The following CYP2C18 variants were observed in gnomAD, a reference collection of about 807,000 sequenced individuals.
CYP2C18 encodes cytochrome P450 2C18.
CYP2C18 carries 38 observed loss-of-function variants against 41.3 expected under a neutral mutation model. That is an observed-to-expected ratio of 0.92 (90% CI 0.71 to 1.21). The LOEUF is 1.21. Ranked by LOEUF, CYP2C18 falls within the 50% of genes most tolerant of loss-of-function variation. The pLI, the probability that CYP2C18 is intolerant of heterozygous loss-of-function variation, is 0.00. For synonymous variants in CYP2C18, 236 were observed against 210.0 expected (o/e 1.12, Z -1.07); for missense variants, 635 against 591.4 (o/e 1.07, Z -0.77).
intron 5 of CYP2C18, among the ~76,000 whole-genome samples, chr10:94,717,037 G>C (rs748702374): frequency 3.3e-5 from 5 of 152,084 alleles, no homozygotes; most frequent in Non-Finnish European, 4.4e-5. Context: ...TTGCTTGGTA[G>C]ATCTTCCTCC....
chr10:94,726,526 T>A (rs946980895), intron 7 of CYP2C18, among the ~76,000 whole-genome samples: 2 of 152,182 alleles, frequency 1.3e-5, no homozygotes, highest in African/African-American at 4.8e-5. Context: ...GAAGTCATCA[T>A]TTTTTATGGT....
At chr10:94,688,556 C>T (rs755949683) in intron 3 of CYP2C18, among the ~76,000 whole-genome samples, 2 of 152,122 alleles carry the variant, frequency 1.3e-5, no homozygotes, top group African/African-American at 2.4e-5. Context: ...CTGGAAACCT[C>T]CTAGGGGCAG....
At chr10:94,701,598 C>T (rs1020136207) in intron 4 of CYP2C18, among the ~76,000 whole-genome samples, 3 of 152,088 alleles carry the variant, frequency 2.0e-5, no homozygotes, top group Non-Finnish European at 2.9e-5. Context: ...TGCACATGTA[C>T]CCTAAAACTT....
At chr10:94,733,187 C>T in intron 7 of CYP2C18, 110 bp from the exon 8 acceptor site, 1 of 1,086,010 alleles carries the variant, frequency 9.2e-7, no homozygotes, top group Non-Finnish European at 1.3e-6. Flanking sequence ...CTTCTTTGGA[C>T]CTCAATTTTC....
At chr10:94,685,806 T>C (rs184730680) in intron 1 of CYP2C18, among the ~76,000 whole-genome samples, 2 of 152,338 alleles carry the variant, frequency 1.3e-5, no homozygotes, top group East Asian at 3.9e-4. Flanking sequence ...CTTTGTAACA[T>C]ATTTTGCAGT....
At chr10:94,719,656 C>A (rs1461607546) in intron 5 of CYP2C18, among the ~76,000 whole-genome samples, 1 of 150,474 alleles carries the variant, frequency 6.6e-6, no homozygotes, top group Non-Finnish European at 1.5e-5. Flanking sequence ...CTCACTGCAA[C>A]CTCCGTCTCC....
At chr10:94,723,290 A>G (rs1847677523) in intron 6 of CYP2C18, among the ~76,000 whole-genome samples, 1 of 152,260 alleles carries the variant, frequency 6.6e-6, no homozygotes, top group South Asian at 2.1e-4. Flanking sequence ...CTCATGTAGG[A>G]GGATGGAAGT....
chr10:94,693,008 T>A (rs2134178589), intron 3 of CYP2C18, among the ~76,000 whole-genome samples: 1 of 150,486 alleles, frequency 6.6e-6, no homozygotes, highest in East Asian at 2.0e-4. Flanking sequence ...CACCAGGGCC[T>A]GTTGTGGGGT....
At chr10:94,690,076 C>T (rs959245061) in intron 3 of CYP2C18, among the ~76,000 whole-genome samples, 3 of 151,998 alleles carry the variant, frequency 2.0e-5, no homozygotes, top group African/African-American at 7.3e-5. Flanking sequence ...TGTGGAGTGC[C>T]CCTCCTTTAG....
intron 5 of CYP2C18, among the ~76,000 whole-genome samples, chr10:94,710,304 AGT>A (rs1388063660): frequency 2.6e-5 from 4 of 152,178 alleles, no homozygotes; most frequent in Non-Finnish European, 5.9e-5. Flanking sequence ...GAAATTGGAA[AGT>A]GTCAGTTCTC....
intron 2 of CYP2C18, 89 bp from the exon 3 acceptor site, chr10:94,688,036 A>C: frequency 6.3e-7 from 1 of 1,598,486 alleles, no homozygotes; most frequent in Non-Finnish European, 8.6e-7. Flanking sequence ...CCTGGGACAG[A>C]ACTTGACCTG....
chr10:94,695,349 G>A (rs1437393863), intron 4 of CYP2C18, among the ~76,000 whole-genome samples: 1 of 151,982 alleles, frequency 6.6e-6, no homozygotes, highest in Non-Finnish European at 1.5e-5. Flanking sequence ...GTGCCCATGT[G>A]TTCTCATTGT....
At position 94,724,419 on chromosome 10, in the gene CYP2C18, G is replaced by A. The variant is rs1359206526; in HGVS notation, c.1035G>A (p.Met345Ile). ...CCTGTATGCAGGACAGGAGTCACATGCCCTACACAGATGCTGTGGTGCACG... is the reference window on the plus strand; with the variant it reads ...CCTGTATGCAGGACAGGAGTCACATACCCTACACAGATGCTGTGGTGCACG... ...RSPCMQDRSH[M>I]PYTDAVVHEI... The change falls in exon 7 of 9, where the codon ATG becomes ATA. Residue 345 changes from methionine to isoleucine, a missense_variant. Transcript: ENST00000285979. The A allele has an allele frequency of 6.2e-7, 1 of 1,613,576 alleles. No individual in the cohort carries two copies. Among genetic ancestry groups the A allele is most frequent in the Non-Finnish European group, 8.5e-7 (1 of 1,179,712 alleles).
rs1436750767 is a variant in CYP2C18 at position 94,720,504 on chromosome 10, C to A, written c.928C>A (p.Leu310Ile). The change falls in exon 6 of 9, where the codon CTC becomes ATC. Residue 310 changes from leucine (L) to isoleucine (I), a missense_variant. By Grantham distance (5) the Leu-to-Ile change is conservative (BLOSUM62 2). Transcript: ENST00000285979. ...ETTSTTLRYG[L>I]LLLLKYPEVT... ...AACGAGCACCACTCTGAGATATGGACTCCTGCTCCTGCTGAAGTACCCAGA... is the reference window on the plus strand; with the variant it reads ...AACGAGCACCACTCTGAGATATGGAATCCTGCTCCTGCTGAAGTACCCAGA... 1 of 1,613,324 alleles carries A rather than the reference C, an allele frequency of 6.2e-7. No individual in the cohort carries two copies. The highest frequency in any genetic ancestry group is 8.5e-7 in the Non-Finnish European group (1 of 1,179,530).
chr10:94,687,661 C>G, intron 1 of CYP2C18, 109 bp from the exon 2 acceptor site: 1 of 1,003,202 alleles, frequency 1.0e-6, no homozygotes, highest in Non-Finnish European at 1.5e-6. Flanking sequence ...CTGTATTTGA[C>G]AGAATAATCA....
intron 4 of CYP2C18, among the ~76,000 whole-genome samples, chr10:94,697,786 A>G (rs1847148977): frequency 6.6e-6 from 1 of 152,226 alleles, no homozygotes; most frequent in African/African-American, 2.4e-5. Context: ...ATGGAGGAAG[A>G]TCTACCAAGC....
chr10:94,691,628 C>G (rs1847001341), intron 3 of CYP2C18, among the ~76,000 whole-genome samples: 1 of 152,150 alleles, frequency 6.6e-6, no homozygotes, highest in Admixed American at 6.6e-5. Context: ...AATGTCATCC[C>G]CATCAAGCTA....
intron 4 of CYP2C18, among the ~76,000 whole-genome samples, chr10:94,701,103 G>A (rs1847233878): frequency 6.6e-6 from 1 of 152,144 alleles, no homozygotes; most frequent in South Asian, 2.1e-4. Context: ...ATTTGACCCA[G>A]CCTTCCCATT....
At chr10:94,709,969 T>C (rs773325688) in intron 5 of CYP2C18, among the ~76,000 whole-genome samples, 1 of 152,174 alleles carries the variant, frequency 6.6e-6, no homozygotes, top group Non-Finnish European at 1.5e-5. Flanking sequence ...GCTTTCTTTA[T>C]GCCAGTATGA....
Sources: allele counts gnomAD v4.1 joint callset (sites outside exome capture counted in the v4.1 genomes callset), GRCh38; gene constraint gnomAD v4.1.1; transcripts MANE v1.5; gene names NCBI Gene and HGNC (gene_info 2026-07-23, HGNC 2026-07-21).